Variants in MAPKAP1 observed in about 807,000 individuals in gnomAD.
The protein encoded by MAPKAP1 is MAPK associated protein 1.
MAPKAP1 carries 20 observed loss-of-function variants against 65.7 expected under a neutral mutation model. The observed-to-expected ratio is 0.30, with a 90% CI of 0.21 to 0.44. The LOEUF (loss-of-function observed/expected upper bound fraction) is 0.44. Among genes scored for constraint, MAPKAP1 ranks in the 20% least tolerant of loss-of-function variants. MAPKAP1 has a pLI of 1.00. For missense variants in MAPKAP1, 423 were observed against 648.0 expected, an observed-to-expected ratio of 0.65 and a Z score of 3.77; for synonymous variants, 222 against 244.3, an observed-to-expected ratio of 0.91 and a Z score of 0.85.
At chr9:125,693,633 A>C (rs1835258214) in intron 1 of MAPKAP1, among the ~76,000 whole-genome samples, 1 of 150,580 alleles carries the variant, frequency 6.6e-6, no homozygotes, top group Non-Finnish European at 1.5e-5. Flanking sequence ...ATATACACAT[A>C]TACACACACA....
intron 10 of MAPKAP1, among the ~76,000 whole-genome samples, chr9:125,454,527 T>C (rs1043349188): frequency 1.3e-5 from 2 of 152,182 alleles, no homozygotes; most frequent in Admixed American, 6.5e-5. Flanking sequence ...CATTAGAGTA[T>C]AAGGAAAAGA....
Position 125,680,357 on chromosome 9 carries a change from G to A in MAPKAP1, c.-69-7714C>T, listed in dbSNP as rs146413790. Reference sequence around the variant, plus strand: ...CATCCTTTGATCTAGTTAAAGCTCAGAATTCATACCTCCTGGAATTCGAAA... The same window carrying A: ...CATCCTTTGATCTAGTTAAAGCTCAAAATTCATACCTCCTGGAATTCGAAA... On this transcript the variant is annotated intron_variant, in intron 1 of 11. Coordinates refer to ENST00000265960, the MANE Select transcript of MAPKAP1 (RefSeq NM_001006617.3). Among the ~76,000 whole-genome samples, 168 of 152,094 alleles carry A rather than the reference G, an allele frequency of 1.1e-3. 1 individual carries two copies. The highest frequency in any genetic ancestry group is 4.0e-3 in the African/African-American group (164 of 41,456).
In MAPKAP1 at chr9:125,452,007, G is replaced by A. The variant is rs564316323; in HGVS notation, c.1346-7409C>T. ...GTATTTTTAGTAGAGACGGGGTTTC[G>A]CCATGTTGGTCAGGCTGGTCTTGAA... On this transcript the variant is annotated intron_variant, in intron 10 of 11. Transcript: ENST00000265960. Among the ~76,000 whole-genome samples the A allele has an allele frequency of 8.6e-5, 13 of 151,678 alleles. No individual in the cohort carries two copies. The East Asian group carries it at 1.2e-3, about 14-fold the overall frequency.
chr9:125,642,234 G>GA (rs879615464), intron 4 of MAPKAP1, among the ~76,000 whole-genome samples: 39 of 147,994 alleles, frequency 2.6e-4, no homozygotes, highest in Middle Eastern at 6.9e-3. Flanking sequence ...GGAAGAAAAA[G>GA]AAAAAAAAAA....
At chr9:125,547,444 C>T (rs1442285038) in intron 6 of MAPKAP1, among the ~76,000 whole-genome samples, 1 of 152,150 alleles carries the variant, frequency 6.6e-6, no homozygotes, top group Non-Finnish European at 1.5e-5. Context: ...ACCTCAGCCG[C>T]ATCCATGAAA....
chr9:125,554,511 T>C (rs909106616), intron 6 of MAPKAP1, among the ~76,000 whole-genome samples: 24 of 152,064 alleles, frequency 1.6e-4, no homozygotes, highest in Admixed American at 1.3e-3. Context: ...AAAGTAGAGT[T>C]TTCTAGGTTA....
At chr9:125,629,618 G>A (rs925556866) in intron 4 of MAPKAP1, among the ~76,000 whole-genome samples, 1 of 152,172 alleles carries the variant, frequency 6.6e-6, no homozygotes. Context: ...GGGGCAAGAG[G>A]AAAAGGGAAG....
At chr9:125,444,333 C>T (rs1190058161) in intron 11 of MAPKAP1, among the ~76,000 whole-genome samples, 168 bp downstream of exon 11, 1 of 152,230 alleles carries the variant, frequency 6.6e-6, no homozygotes, top group Non-Finnish European at 1.5e-5. Flanking sequence ...CTGGCACAGG[C>T]ACTCACCCCT....
intron 8 of MAPKAP1, among the ~76,000 whole-genome samples, chr9:125,492,799 C>G (rs1589234041): frequency 6.6e-6 from 1 of 152,326 alleles, no homozygotes; most frequent in Non-Finnish European, 1.5e-5. Flanking sequence ...TAGAACTCAA[C>G]TGGAAGATCA....
chr9:125,572,945 G>C (rs1831280417), intron 5 of MAPKAP1: 1 of 152,082 alleles, frequency 6.6e-6, no homozygotes, highest in South Asian at 2.1e-4. Context: ...TTACCATACT[G>C]ATGCTTTCTC....
chr9:125,630,657 T>C (rs143491224), intron 4 of MAPKAP1, among the ~76,000 whole-genome samples: 90 of 152,322 alleles, frequency 5.9e-4, no homozygotes, highest in African/African-American at 2.0e-3. Context: ...CATGGAAAGA[T>C]GATTAACACC....
chr9:125,695,436 C>A (rs1835354723), intron 1 of MAPKAP1, among the ~76,000 whole-genome samples: 1 of 152,132 alleles, frequency 6.6e-6, no homozygotes, highest in Non-Finnish European at 1.5e-5. Context: ...GCCTTTTCAG[C>A]TGTCATTGCA....
chr9:125,581,740 T>A (rs1831632846), intron 5 of MAPKAP1, among the ~76,000 whole-genome samples: 1 of 152,306 alleles, frequency 6.6e-6, no homozygotes, highest in East Asian at 1.9e-4. Context: ...TTTTCTTACA[T>A]TTTACATTTA....
chr9:125,704,242 A>G (rs7028811), intron 1 of MAPKAP1, among the ~76,000 whole-genome samples: 6,994 of 152,284 alleles, frequency 0.046, 515 homozygotes, highest in African/African-American at 0.16. Flanking sequence ...CAGCAGCATA[A>G]ACTCAAGGAA....
At chr9:125,662,093 T>A (rs528169795) in intron 3 of MAPKAP1, among the ~76,000 whole-genome samples, 1 of 152,188 alleles carries the variant, frequency 6.6e-6, no homozygotes, top group South Asian at 2.1e-4. Flanking sequence ...TAAATAATTA[T>A]TTCTTGGCCA....
intron 7 of MAPKAP1, among the ~76,000 whole-genome samples, chr9:125,538,195 AAAATCTCTCTT>A (rs963992340): frequency 1.2e-4 from 18 of 152,166 alleles, no homozygotes; most frequent in African/African-American, 4.1e-4. Context: ...CTCATATTTT[AAAATCTCTCTT>A]TGGTTGCTGT....
intron 8 of MAPKAP1, among the ~76,000 whole-genome samples, chr9:125,504,393 T>C (rs995495167): frequency 3.9e-5 from 6 of 152,190 alleles, no homozygotes; most frequent in Non-Finnish European, 7.3e-5. Flanking sequence ...CCTTTGAGAA[T>C]TTGCTACCAA....
chr9:125,551,222 A>G (rs1011201027), intron 6 of MAPKAP1, among the ~76,000 whole-genome samples: 3 of 152,212 alleles, frequency 2.0e-5, no homozygotes, highest in East Asian at 3.8e-4. Flanking sequence ...GCAATAGCAT[A>G]TAACAGAAGG....
chr9:125,478,774 C>T (rs763739617), intron 9 of MAPKAP1, among the ~76,000 whole-genome samples: 1 of 152,298 alleles, frequency 6.6e-6, no homozygotes, highest in East Asian at 1.9e-4. Context: ...TTGGTACTAA[C>T]AGCTAGGTAC....
Sources: gnomAD v4.1 joint callset for allele counts (sites outside exome capture counted in the v4.1 genomes callset) on GRCh38, gnomAD v4.1.1 for gene constraint, MANE v1.5 for transcripts, NCBI Gene and HGNC (gene_info 2026-07-23, HGNC 2026-07-21) for gene names.